Variants in BRWD1 observed in about 807,000 individuals in gnomAD.
BRWD1 encodes bromodomain and WD repeat domain containing 1.
BRWD1 carries 82 observed loss-of-function variants against 251.2 expected under a neutral mutation model. The observed-to-expected ratio is 0.33, with a 90% CI of 0.27 to 0.39. BRWD1 has a LOEUF of 0.39. Among genes scored for constraint, BRWD1 ranks in the 10% least tolerant of loss-of-function variants. The probability of loss-of-function intolerance (pLI) is 1.00; values close to 1 mark genes in which losing one functional copy is unlikely to be tolerated. For missense variants in BRWD1, 2,233 were observed against 2,711.6 expected (o/e 0.82, Z 3.92); for synonymous variants, 918 against 902.8 (o/e 1.02, Z -0.30).
chr21:39,311,567 C>T (rs1043053061), intron 4 of BRWD1, among the ~76,000 whole-genome samples: 2 of 152,174 alleles, frequency 1.3e-5, no homozygotes, highest in East Asian at 1.9e-4. Context: ...AATGCTTTTC[C>T]GCTTCACCGA....
downstream of BRWD1, chr21:39,185,322 A>AAAAAAAAAAAAAAAT (rs2031168417): frequency 7.8e-6 from 1 of 128,098 alleles, no homozygotes; most frequent in Non-Finnish European, 1.7e-5. Flanking sequence ...AAAAAAAAAA[A>AAAAAAAAAAAAAAAT]CTTTGCATAA....
chr21:39,301,542 C>T (rs1027606706), intron 4 of BRWD1, among the ~76,000 whole-genome samples: 1 of 152,144 alleles, frequency 6.6e-6, no homozygotes, highest in Non-Finnish European at 1.5e-5. Flanking sequence ...GAAGCCTATT[C>T]CTCCCGTCAA....
At chr21:39,249,938 G>A (rs1057486944) in intron 20 of BRWD1, among the ~76,000 whole-genome samples, 1 of 147,150 alleles carries the variant, frequency 6.8e-6, no homozygotes, top group Non-Finnish European at 1.5e-5. Flanking sequence ...GTGTGTGTGT[G>A]TGTGTGTGTG....
intron 27 of BRWD1, 147 bp from the exon 28 acceptor site, chr21:39,225,344 A>G (rs2033339567): frequency 5.2e-6 from 3 of 580,662 alleles, no homozygotes; most frequent in Non-Finnish European, 6.1e-6. Context: ...CAAACCAAGA[A>G]AAATATGGCA....
At chr21:39,279,878 T>C (rs979808146) in intron 9 of BRWD1, among the ~76,000 whole-genome samples, 2 of 152,136 alleles carry the variant, frequency 1.3e-5, no homozygotes, top group Admixed American at 1.3e-4. Flanking sequence ...TTTCCAATTA[T>C]ATACCTATTA....
At chr21:39,273,748 T>C (rs2035192589) in intron 13 of BRWD1, among the ~76,000 whole-genome samples, 2 of 152,092 alleles carry the variant, frequency 1.3e-5, no homozygotes, top group Non-Finnish European at 2.9e-5. Context: ...AGTGAGACCC[T>C]AAACCATTTT....
chr21:39,202,270 A>C, intron 38 of BRWD1, 55 bp downstream of exon 38: 1 of 1,314,172 alleles, frequency 7.6e-7, no homozygotes, highest in Non-Finnish European at 1.1e-6. Context: ...AGTAACGGCC[A>C]GTGTTACACA....
chr21:39,253,820 G>C (rs1396894545), intron 19 of BRWD1, among the ~76,000 whole-genome samples: 1 of 152,134 alleles, frequency 6.6e-6, no homozygotes, highest in African/African-American at 2.4e-5. Flanking sequence ...AAACATTTTA[G>C]ATATCATTCT....
intron 8 of BRWD1, among the ~76,000 whole-genome samples, 197 bp from the exon 9 acceptor site, chr21:39,280,445 A>T (rs1452386082): frequency 1.3e-5 from 2 of 152,186 alleles, no homozygotes; most frequent in East Asian, 3.8e-4. Flanking sequence ...CAATAAGCCT[A>T]TTTTCAGAAT....
At chr21:39,277,390 A>T in intron 10 of BRWD1, 39 bp from the exon 11 acceptor site, 1 of 1,260,910 alleles carries the variant, frequency 7.9e-7, no homozygotes, top group Non-Finnish European at 1.1e-6. Flanking sequence ...TCCAGTTTAT[A>T]ACAAATACCT....
intron 32 of BRWD1, among the ~76,000 whole-genome samples, chr21:39,214,414 C>T (rs1367809724): frequency 6.6e-6 from 1 of 151,924 alleles, no homozygotes; most frequent in African/African-American, 2.4e-5. Flanking sequence ...ATTAAATATA[C>T]TCTATAAAAT....
chr21:39,205,428 G>A (rs2032340739), intron 37 of BRWD1, among the ~76,000 whole-genome samples: 1 of 152,182 alleles, frequency 6.6e-6, no homozygotes, highest in Non-Finnish European at 1.5e-5. Flanking sequence ...CAGTGGTCAT[G>A]ATCATATCAC....
At position 39,313,538 on chromosome 21, in the gene BRWD1, T is replaced by C. The variant is rs1045946894; in HGVS notation, c.-47A>G. On this transcript the variant is annotated 5_prime_UTR_variant, in exon 1 of 41. Coordinates refer to ENST00000342449, the MANE Select transcript of BRWD1 (RefSeq NM_033656.4). ...CGGGAGCGAGCGAGCGAGCGGAGCG[T>C]GTAGGCCGCGCCGAGGCCTGACCGG... 2.7e-5 allele frequency: 36 copies of C among 1,314,830 alleles called. No individual in the cohort carries two copies. The Admixed American group carries it at 3.8e-4, about 14-fold the overall frequency. The allele number at this position is 1,314,830 out of a possible 1,614,324, so 81.4% of individuals were successfully genotyped here.
chr21:39,264,142 A>C (rs774441704), intron 17 of BRWD1, among the ~76,000 whole-genome samples: 5 of 152,184 alleles, frequency 3.3e-5, no homozygotes, highest in East Asian at 1.9e-4. Context: ...TAGAAGCTAT[A>C]AACGAACATT....
downstream of BRWD1, chr21:39,184,243 A>G (rs2031080627): frequency 6.6e-6 from 1 of 152,236 alleles, no homozygotes; most frequent in Admixed American, 6.5e-5. Flanking sequence ...GATGATTGTC[A>G]AGGCGATTTA....
intron 21 of BRWD1, among the ~76,000 whole-genome samples, chr21:39,244,921 A>AATATATATATATATATATAT (rs56801824): frequency 0.066 from 7,274 of 110,608 alleles, 468 homozygotes; most frequent in Admixed American, 0.096. Context: ...CTTTGGAAGA[A>AATATATATATATATATATAT]ATATATATAT....
rs1326611070 is a variant in BRWD1, at chr21:39,191,090, G to C, written c.*5169C>G. The stretch of plus-strand genomic sequence containing the variant: ...TAACTGCTTAATTTGCTTTTTAGAA[G>C]CAATACCTTAAGAGCATTTCACACT... On this transcript the variant is annotated 3_prime_UTR_variant, in exon 41 of 41. Transcript: ENST00000342449. 31 of 985,122 alleles carry C rather than the reference G, an allele frequency of 3.1e-5. No individual in the cohort carries two copies. Among genetic ancestry groups the C allele is most frequent in the Non-Finnish European group, 3.6e-5 (30 of 829,854 alleles). 61.0% of individuals were successfully genotyped at this position (985,122 alleles called of 1,614,324 possible).
chr21:39,210,268 A>G (rs2032597442), intron 35 of BRWD1, 121 bp from the exon 36 acceptor site: 2 of 766,126 alleles, frequency 2.6e-6, no homozygotes. Flanking sequence ...AGGACTCTTA[A>G]AATTCATTAG....
chr21:39,265,113 T>G, intron 15 of BRWD1, 94 bp from the exon 16 acceptor site: 30 of 1,130,330 alleles, frequency 2.7e-5, no homozygotes, highest in Non-Finnish European at 3.0e-5. Flanking sequence ...TGACAATATA[T>G]CCCTTCTGAA....
Sources: allele counts gnomAD v4.1 joint callset (sites outside exome capture counted in the v4.1 genomes callset), GRCh38; gene constraint gnomAD v4.1.1; transcripts MANE v1.5; gene names NCBI Gene and HGNC (gene_info 2026-07-23, HGNC 2026-07-21).